ANKRD13B: variants seen among roughly 807,000 people sequenced by gnomAD.
ANKRD13B encodes the protein ankyrin repeat domain 13B.
In ANKRD13B, 33 loss-of-function variants were observed where a neutral mutation model predicts 74.4. The ratio of observed to expected loss-of-function variants is 0.44; its 90% CI spans 0.34 to 0.59. ANKRD13B has a LOEUF of 0.59. ANKRD13B is among the 20% of genes least tolerant of loss of function. The pLI, the probability that ANKRD13B is intolerant of heterozygous loss-of-function variation, is 0.02. For missense variants in ANKRD13B, 676 were observed against 877.9 expected, an observed-to-expected ratio of 0.77 and a Z score of 2.91; for synonymous variants, 341 against 362.9, an observed-to-expected ratio of 0.94 and a Z score of 0.68.
rs891558777 is a variant in ANKRD13B at position 29,608,162 on chromosome 17, G to C, written c.376-33G>C. On this transcript the variant is annotated intron_variant, in intron 3 of 14. Coordinates refer to ENST00000394859, the MANE Select transcript of ANKRD13B (RefSeq NM_152345.5). This position sits in a 1 kb window ranked among gnomAD's most constrained non-coding sequence, Gnocchi z 6.4. ...GGGAGCCCTTGAGCCCTTCTCCAGT[G>C]CAGACTTAGCCTCTCTCCCCTTCGT... 1 of 1,614,200 alleles carries C rather than the reference G, an allele frequency of 6.2e-7. No homozygotes were observed. Among genetic ancestry groups the C allele is most frequent in the African/African-American group, 1.3e-5 (1 of 75,056 alleles).
At chr17:29,610,366 C>G (rs1183837711) in intron 7 of ANKRD13B, among the ~76,000 whole-genome samples, 2 of 152,072 alleles carry the variant, frequency 1.3e-5, no homozygotes, top group South Asian at 2.1e-4. Flanking sequence ...GTGCATGGAC[C>G]ATGCTGTTAT....
In ANKRD13B at chr17:29,608,187, T is replaced by A; in HGVS notation, c.376-8T>A. On this transcript the variant is annotated splice_region_variant and splice_polypyrimidine_tract_variant and intron_variant, in intron 3 of 14. Transcript: ENST00000394859. This position sits in a 1 kb window ranked among gnomAD's most constrained non-coding sequence, Gnocchi z 6.4. The stretch of plus-strand genomic sequence containing the variant: ...GCAGACTTAGCCTCTCTCCCCTTCG[T>A]CCTCCAGGCCCAGGACTTCTACGTG... 6.2e-7 allele frequency: 1 copy of A among 1,614,198 alleles called. No individual in the cohort carries two copies. The highest frequency in any genetic ancestry group is 8.5e-7 in the Non-Finnish European group (1 of 1,180,026).
chr17:29,612,872 C>A lies in ANKRD13B; in HGVS notation c.1576-15C>A. The A allele has an allele frequency of 1.3e-6, 2 of 1,599,436 alleles. No homozygotes were observed. The highest frequency in any genetic ancestry group is 8.5e-7 in the Non-Finnish European group (1 of 1,179,362). Reference sequence around the variant, plus strand: ...ACTCCGCGCCGCCACGGCTAACGCCCACGCCTCCCCGCAGGTCACCATCTG... The same window carrying A: ...ACTCCGCGCCGCCACGGCTAACGCCAACGCCTCCCCGCAGGTCACCATCTG... On this transcript the variant is annotated splice_polypyrimidine_tract_variant and intron_variant, in intron 13 of 14. Coordinates refer to ENST00000394859, the MANE Select transcript of ANKRD13B (RefSeq NM_152345.5). This position sits in a 1 kb window ranked among gnomAD's most constrained non-coding sequence, Gnocchi z 6.1.
At chr17:29,607,262 C>T (rs768233725) in intron 1 of ANKRD13B, among the ~76,000 whole-genome samples, 7 of 152,190 alleles carry the variant, frequency 4.6e-5, no homozygotes, top group East Asian at 3.8e-4. Context: ...TTACTGTAAC[C>T]GTTTGTTAAA....
chr17:29,600,988 G>A (rs2034155546), intron 1 of ANKRD13B, among the ~76,000 whole-genome samples: 2 of 143,298 alleles, frequency 1.4e-5, no homozygotes, highest in African/African-American at 5.2e-5. Flanking sequence ...GCAGTGGGAT[G>A]ATCTCTGCTC....
chr17:29,600,084 G>A (rs1264035104), intron 1 of ANKRD13B, among the ~76,000 whole-genome samples: 4 of 151,970 alleles, frequency 2.6e-5, no homozygotes, highest in Admixed American at 2.6e-4. Flanking sequence ...CACCGTGTTA[G>A]CCAGGATGGT....
At chr17:29,601,918 C>G (rs990798101) in intron 1 of ANKRD13B, among the ~76,000 whole-genome samples, 1 of 152,080 alleles carries the variant, frequency 6.6e-6, no homozygotes, top group Non-Finnish European at 1.5e-5. Context: ...CATAATGGAC[C>G]TCATTTCTTT....
Position 29,609,299 on chromosome 17 carries a change from C to A in ANKRD13B, c.755+24C>A. On this transcript the variant is annotated intron_variant, in intron 6 of 14. Coordinates refer to ENST00000394859, the MANE Select transcript of ANKRD13B (RefSeq NM_152345.5). The surrounding 1 kb of genome is among the most constrained non-coding windows in gnomAD (Gnocchi z 4.0). Reference sequence around the variant, plus strand: ...AGGTGGGTGGACATGGCCTTGGTCACCCTTGAGCCAGCCCGGTGGGGTGCC... The same window carrying A: ...AGGTGGGTGGACATGGCCTTGGTCAACCTTGAGCCAGCCCGGTGGGGTGCC... 1 of 1,613,200 alleles carries A rather than the reference C, an allele frequency of 6.2e-7. No homozygotes were observed. Among genetic ancestry groups the A allele is most frequent in the Non-Finnish European group, 8.5e-7 (1 of 1,179,830 alleles).
At chr17:29,596,974 G>A (rs2033977398) in intron 1 of ANKRD13B, among the ~76,000 whole-genome samples, 1 of 152,166 alleles carries the variant, frequency 6.6e-6, no homozygotes, top group East Asian at 1.9e-4. Context: ...CGCAGCTTGA[G>A]GATGCATCCT....
At position 29,608,122 on chromosome 17, in the gene ANKRD13B, CCT is replaced by C. The variant is rs1567792025; in HGVS notation, c.375+16_375+17del. On this transcript the variant is annotated intron_variant, in intron 3 of 14. Transcript: ENST00000394859. The surrounding 1 kb of genome is among the most constrained non-coding windows in gnomAD (Gnocchi z 6.4). Reference sequence around the variant, plus strand: ...AGAAGCTGCGCAAGGTGAGGCCCAGCCTCTCAGCCTCCACGGGAGCCCTTGAG... The same window carrying C: ...AGAAGCTGCGCAAGGTGAGGCCCAGCCTCAGCCTCCACGGGAGCCCTTGAG... 1 of 1,613,552 alleles carries C rather than the reference CCT, an allele frequency of 6.2e-7. No individual in the cohort carries two copies. The highest frequency in any genetic ancestry group is 2.2e-5 in the East Asian group (1 of 44,866).
At position 29,595,713 on chromosome 17, in the gene ANKRD13B, A is replaced by G. The variant is rs547555632; in HGVS notation, c.114+1978A>G. Among the ~76,000 whole-genome samples, 372 of 152,124 alleles carry G rather than the reference A, an allele frequency of 2.4e-3. 2 individuals carry two copies. The highest frequency in any genetic ancestry group is 8.8e-3 in the African/African-American group (366 of 41,482). On this transcript the variant is annotated intron_variant, in intron 1 of 14. Coordinates refer to ENST00000394859, the MANE Select transcript of ANKRD13B (RefSeq NM_152345.5). Reference sequence around the variant, plus strand: ...GTGAGTTAATGTCTCCTTGAAATGGACACTGCCTGTCCTGGATCCAGGCCA... The same window carrying G: ...GTGAGTTAATGTCTCCTTGAAATGGGCACTGCCTGTCCTGGATCCAGGCCA...
At position 29,604,429 on chromosome 17, in the gene ANKRD13B, G is replaced by A. The variant is rs563333464; in HGVS notation, c.115-3313G>A. Among the ~76,000 whole-genome samples the A allele has an allele frequency of 2.6e-5, 4 of 152,042 alleles. No individual in the cohort carries two copies. In the South Asian group the frequency reaches 8.3e-4, roughly 32 times the overall value. ...TTGGTATGTTGCCCAGGCTGGTCTTGAACTCCTAGGCTCAAGTGATCTGCC... is the reference window on the plus strand; with the variant it reads ...TTGGTATGTTGCCCAGGCTGGTCTTAAACTCCTAGGCTCAAGTGATCTGCC... On this transcript the variant is annotated intron_variant, in intron 1 of 14. Transcript: ENST00000394859.
chr17:29,603,900 G>C (rs2114877), intron 1 of ANKRD13B, among the ~76,000 whole-genome samples: 23,598 of 139,884 alleles, frequency 0.17, 2,247 homozygotes, highest in African/African-American at 0.26. Context: ...TTTTGAGATG[G>C]AGTCTCTCTC....
rs2033831744 is a variant in ANKRD13B, at chr17:29,593,325, G to C, written c.-297G>C. On this transcript the variant is annotated 5_prime_UTR_variant, in exon 1 of 15. Coordinates refer to ENST00000394859, the MANE Select transcript of ANKRD13B (RefSeq NM_152345.5). Reference sequence around the variant, plus strand: ...TCCGCCGAGCGGCGTCTTTGTGTGCGGGGGTGTGGGAGGCGAGCGCGAGTC... The same window carrying C: ...TCCGCCGAGCGGCGTCTTTGTGTGCCGGGGTGTGGGAGGCGAGCGCGAGTC... 2 of 148,108 alleles carry C rather than the reference G, an allele frequency of 1.4e-5. No individual in the cohort carries two copies. The highest frequency in any genetic ancestry group is 4.9e-5 in the African/African-American group (2 of 41,098). 9.2% of individuals were successfully genotyped at this position (148,108 alleles called of 1,614,324 possible). A position where few individuals can be genotyped will look rare whatever the true frequency, so the allele number is the denominator to read the frequency against.
chr17:29,597,950 G>T (rs2034010993), intron 1 of ANKRD13B, among the ~76,000 whole-genome samples: 1 of 152,130 alleles, frequency 6.6e-6, no homozygotes, highest in Admixed American at 6.5e-5. Flanking sequence ...AGGCCAGGCA[G>T]CGGCCTGCCA....
chr17:29,611,856 CCCCTCCCCAT>C lies in ANKRD13B; in HGVS notation c.970-19_970-10del. On this transcript the variant is annotated splice_polypyrimidine_tract_variant and intron_variant, in intron 9 of 14. Coordinates refer to ENST00000394859, the MANE Select transcript of ANKRD13B (RefSeq NM_152345.5). This position sits in a 1 kb window ranked among gnomAD's most constrained non-coding sequence, Gnocchi z 4.3. ...TTAGGAACTGAGGGGAGCTCCTGGG[CCCCTCCCCAT>C]GTGGTACAGACCCTGATCACTCAGA... 1 of 1,571,562 alleles carries C rather than the reference CCCCTCCCCAT, an allele frequency of 6.4e-7. No homozygotes were observed. The highest frequency in any genetic ancestry group is 8.6e-7 in the Non-Finnish European group (1 of 1,157,022).
At chr17:29,613,058 G>A (rs1413039888) in intron 14 of ANKRD13B, 95 bp downstream of exon 14, 5 of 1,466,544 alleles carry the variant, frequency 3.4e-6, no homozygotes, top group Non-Finnish European at 4.6e-6. Flanking sequence ...CCCTCGGCAG[G>A]GACCCTCCTG....
intron 1 of ANKRD13B, among the ~76,000 whole-genome samples, chr17:29,597,517 C>T (rs575905186): frequency 1.4e-4 from 21 of 152,160 alleles, no homozygotes; most frequent in African/African-American, 4.3e-4. Context: ...CACCTTTTGA[C>T]TCCAGCTGAG....
chr17:29,611,643 G>C lies in ANKRD13B; in HGVS notation c.969G>C (p.Gly323=). 1 of 1,614,074 alleles carries C rather than the reference G, an allele frequency of 6.2e-7. No individual in the cohort carries two copies. Among genetic ancestry groups the C allele is most frequent in the Non-Finnish European group, 8.5e-7 (1 of 1,179,934 alleles). Residue 323 remains glycine, a splice_region_variant and synonymous_variant, in exon 9 of 15, where the codon GGG becomes GGC. Coordinates refer to ENST00000394859, the MANE Select transcript of ANKRD13B (RefSeq NM_152345.5). This position sits in a 1 kb window ranked among gnomAD's most constrained non-coding sequence, Gnocchi z 4.3. ...IAEQHGGPQN[G]TLITQTLSQA... is the part of the protein sequence containing the mutation. ...AGCAGCACGGGGGCCCCCAAAATGG[G>C]GTGAGTGTGTGCAGGGGTACCCGTA...
Sources: gnomAD v4.1 joint callset for allele counts (sites outside exome capture counted in the v4.1 genomes callset) on GRCh38, gnomAD v4.1.1 for gene constraint, Gnocchi (gnomAD v3.1) non-coding constraint, MANE v1.5 for transcripts, NCBI Gene and HGNC (gene_info 2026-07-23, HGNC 2026-07-21) for gene names.